BACH2: variants seen among roughly 807,000 people sequenced by gnomAD.
BACH2 encodes the protein BACH transcriptional regulator 2, also known as transcription regulator protein BACH2.
Under a neutral mutation model 61.8 loss-of-function variants are expected in BACH2, and 5 were observed. The observed-to-expected ratio is 0.08, with a 90% CI of 0.04 to 0.17. BACH2 has a LOEUF of 0.17. BACH2 is among the 10% of genes least tolerant of loss of function. BACH2 has a pLI of 1.00. For missense variants in BACH2, 824 were observed against 1,091.1 expected, an observed-to-expected ratio of 0.76 and a Z score of 3.45; for synonymous variants, 446 against 440.1, an observed-to-expected ratio of 1.01 and a Z score of -0.17.
intron 6 of BACH2, among the ~76,000 whole-genome samples, chr6:90,004,449 G>A (rs552934978): frequency 3.3e-5 from 5 of 152,290 alleles, no homozygotes; most frequent in Admixed American, 3.3e-4. Context: ...CTTCTCTAGA[G>A]GGTACAAGGA....
intron 4 of BACH2, among the ~76,000 whole-genome samples, chr6:90,152,672 G>A (rs950354486): frequency 1.3e-5 from 2 of 152,176 alleles, no homozygotes; most frequent in South Asian, 4.1e-4. Flanking sequence ...AAGTGAATGA[G>A]TTAACAGAAG....
chr6:90,013,926 G>C (rs966291146), intron 5 of BACH2, among the ~76,000 whole-genome samples: 2 of 151,942 alleles, frequency 1.3e-5, no homozygotes, highest in African/African-American at 2.4e-5. Flanking sequence ...CTACAGGTGT[G>C]CACCACCATA....
intron 5 of BACH2, among the ~76,000 whole-genome samples, chr6:90,044,184 T>C (rs187334165): frequency 6.8e-4 from 104 of 152,120 alleles, no homozygotes; most frequent in African/African-American, 2.3e-3. Context: ...AGGAAAAAAA[T>C]AAGGCAGGGC....
chr6:89,968,010 A>T (rs1775139188), intron 6 of BACH2, among the ~76,000 whole-genome samples: 1 of 152,148 alleles, frequency 6.6e-6, no homozygotes, highest in Non-Finnish European at 1.5e-5. Context: ...TCTCATCTCC[A>T]GTTATCCTCT....
chr6:90,177,329 G>A (rs961071828), intron 4 of BACH2, among the ~76,000 whole-genome samples: 4 of 152,160 alleles, frequency 2.6e-5, no homozygotes, highest in African/African-American at 9.7e-5. Flanking sequence ...GGGTAGCACA[G>A]CACCTGACCC....
rs116527525 is a variant in BACH2 at position 90,008,008 on chromosome 6, T to C, written c.243+594A>G. On this transcript the variant is annotated intron_variant, in intron 6 of 8. Coordinates refer to ENST00000257749, the MANE Select transcript of BACH2 (RefSeq NM_021813.4). The surrounding 1 kb of genome is among the most constrained non-coding windows in gnomAD (Gnocchi z 4.1). ...ACTTAAACCATCCAATTAAATGTCA[T>C]CTCTGGACAGACCAGGTCCAGCTAC... The C allele has an allele frequency of 6.3e-3, 1,009 of 159,848 alleles. 14 individuals carry two copies. The highest frequency in any genetic ancestry group is 0.023 in the African/African-American group (958 of 41,596). The allele number at this position is 159,848 out of a possible 1,614,324, so 9.9% of individuals were successfully genotyped here.
chr6:90,220,317 G>A (rs889189347), intron 3 of BACH2, among the ~76,000 whole-genome samples: 3 of 152,074 alleles, frequency 2.0e-5, no homozygotes, highest in Admixed American at 1.3e-4. Flanking sequence ...CCATTTTACC[G>A]AATTAGGAAA....
intron 5 of BACH2, among the ~76,000 whole-genome samples, chr6:90,014,463 TATA>T (rs1777933016): frequency 1.1e-4 from 8 of 70,788 alleles, no homozygotes; most frequent in African/African-American, 4.7e-4. Flanking sequence ...TATATATATA[TATA>T]TATTTTTTTT....
Position 90,008,338 on chromosome 6 carries a change from T to C in BACH2, c.243+264A>G, listed in dbSNP as rs1777524837. 5 of 523,702 alleles carry C rather than the reference T, an allele frequency of 9.5e-6. No individual in the cohort carries two copies. The highest frequency in any genetic ancestry group is 1.7e-5 in the Non-Finnish European group (5 of 290,832). The allele number at this position is 523,702 out of a possible 1,614,324, so 32.4% of individuals were successfully genotyped here. A position where few individuals can be genotyped will look rare whatever the true frequency, so the allele number is the denominator to read the frequency against. ...AACTTAGGCTGAACCACTCAAAACCTGAAGGGTAAGTGAACTAGAAACTAC... is the reference window on the plus strand; with the variant it reads ...AACTTAGGCTGAACCACTCAAAACCCGAAGGGTAAGTGAACTAGAAACTAC... On this transcript the variant is annotated intron_variant, in intron 6 of 8. Transcript: ENST00000257749. This position sits in a 1 kb window ranked among gnomAD's most constrained non-coding sequence, Gnocchi z 4.1.
At chr6:90,067,724 T>G (rs1190727308) in intron 5 of BACH2, among the ~76,000 whole-genome samples, 1 of 152,190 alleles carries the variant, frequency 6.6e-6, no homozygotes, top group Non-Finnish European at 1.5e-5. Flanking sequence ...TGTTATGTGC[T>G]CAACACTTCT....
intron 2 of BACH2, among the ~76,000 whole-genome samples, chr6:90,255,897 C>CAGCA (rs1770961514): frequency 6.6e-6 from 1 of 152,170 alleles, no homozygotes; most frequent in Non-Finnish European, 1.5e-5. Context: ...GACCCAAAAC[C>CAGCA]AGCAACACAC....
At chr6:90,265,559 T>A (rs1425976208) in intron 2 of BACH2, among the ~76,000 whole-genome samples, 3 of 152,184 alleles carry the variant, frequency 2.0e-5, no homozygotes, top group Non-Finnish European at 4.4e-5. Flanking sequence ...GCCCGATGTG[T>A]CTATGGTAAT....
intron 7 of BACH2, among the ~76,000 whole-genome samples, chr6:89,949,063 A>G (rs1773915539): frequency 6.6e-6 from 1 of 152,096 alleles, no homozygotes; most frequent in Non-Finnish European, 1.5e-5. Context: ...CTTCTCGCCA[A>G]TCTTGCAGAG....
chr6:90,228,035 ATC>A lies in BACH2; in HGVS notation c.-274-21356_-274-21355del, dbSNP rs1329744657. Reference sequence around the variant, plus strand: ...TGTCTCTTTTTATCCACAAAATAACATCTCTGTTTAAAAATCTATTTAAGACT... The same window carrying A: ...TGTCTCTTTTTATCCACAAAATAACATCTGTTTAAAAATCTATTTAAGACT... On this transcript the variant is annotated intron_variant, in intron 3 of 8. Transcript: ENST00000257749. 7.2e-5 allele frequency among the ~76,000 whole-genome samples: 11 copies of A among 152,346 alleles called. No individual in the cohort carries two copies. In the East Asian group the frequency reaches 1.7e-3, roughly 24 times the overall value.
chr6:90,064,604 C>A (rs1282855608), intron 5 of BACH2, among the ~76,000 whole-genome samples: 1 of 152,138 alleles, frequency 6.6e-6, no homozygotes, highest in Admixed American at 6.5e-5. Context: ...GCAGGGGCAT[C>A]CTAAAGCAGG....
intron 2 of BACH2, among the ~76,000 whole-genome samples, chr6:90,265,553 GA>G: frequency 6.6e-6 from 1 of 152,258 alleles, no homozygotes; most frequent in Admixed American, 6.5e-5. Flanking sequence ...TAATTAGCCC[GA>G]TGTGTCTATG....
At chr6:89,949,709 C>T (rs2128356512) in intron 7 of BACH2, among the ~76,000 whole-genome samples, 1 of 152,256 alleles carries the variant, frequency 6.6e-6, no homozygotes, top group East Asian at 1.9e-4. Flanking sequence ...TCTGTGATGA[C>T]CCCAGGACCG....
intron 5 of BACH2, among the ~76,000 whole-genome samples, chr6:90,087,475 C>T (rs1217467807): frequency 1.3e-5 from 2 of 152,118 alleles, no homozygotes; most frequent in East Asian, 1.9e-4. Flanking sequence ...CACAGGTACA[C>T]ATGTACATTT....
At chr6:90,284,921 CT>C (rs1771971754) in intron 1 of BACH2, among the ~76,000 whole-genome samples, 1 of 152,174 alleles carries the variant, frequency 6.6e-6, no homozygotes, top group African/African-American at 2.4e-5. Context: ...GTCACTGTGG[CT>C]TTTCTTTATT....
Sources: allele counts gnomAD v4.1 joint callset (sites outside exome capture counted in the v4.1 genomes callset), GRCh38; gene constraint gnomAD v4.1.1; non-coding constraint Gnocchi (gnomAD v3.1); transcripts MANE v1.5; gene names NCBI Gene and HGNC (gene_info 2026-07-23, HGNC 2026-07-21).